KLHL29: variants seen among roughly 807,000 people sequenced by gnomAD.
KLHL29 encodes the protein kelch like family member 29.
In KLHL29, 21 loss-of-function variants were observed where a neutral mutation model predicts 80.4. The ratio of observed to expected loss-of-function variants is 0.26; its 90% confidence interval spans 0.19 to 0.38. The LOEUF (loss-of-function observed/expected upper bound fraction) is 0.38, where lower values mean the gene tolerates loss of function less well. Among genes scored for constraint, KLHL29 ranks in the 10% least tolerant of loss-of-function variants. The probability of loss-of-function intolerance (pLI) is 1.00; values close to 1 mark genes in which losing one functional copy is unlikely to be tolerated. For missense variants in KLHL29, 867 were observed against 1,223.9 expected, an observed-to-expected ratio of 0.71 and a Z score of 4.35; for synonymous variants, 511 against 526.8, an observed-to-expected ratio of 0.97 and a Z score of 0.41.
chr2:23,565,035 C>T lies in KLHL29; in HGVS notation c.285+2554C>T, dbSNP rs547905390. ...TGTAAAATGGGAAGAGGTCGTTGTACTTGCGAGCAGAGTTGTTGTGAGGAC... is the reference window on the plus strand; with the variant it reads ...TGTAAAATGGGAAGAGGTCGTTGTATTTGCGAGCAGAGTTGTTGTGAGGAC... On this transcript the variant is annotated intron_variant, in intron 3 of 13. Transcript: ENST00000486442. 2.0e-5 allele frequency among the ~76,000 whole-genome samples: 3 copies of T among 152,302 alleles called. No homozygotes were observed. The South Asian group carries it at 6.2e-4, about 32-fold the overall frequency.
At chr2:23,408,712 A>T (rs181682864) in intron 1 of KLHL29, among the ~76,000 whole-genome samples, 188 of 152,346 alleles carry the variant, frequency 1.2e-3, no homozygotes, top group South Asian at 2.3e-3. Flanking sequence ...TTGTACTAAA[A>T]GATTGTCTGT....
chr2:23,501,887 C>G (rs2103455139), intron 2 of KLHL29, among the ~76,000 whole-genome samples: 1 of 152,274 alleles, frequency 6.6e-6, no homozygotes, highest in African/African-American at 2.4e-5. Flanking sequence ...GTGCCCCTTC[C>G]CAGGCATCCC....
At chr2:23,438,663 A>G (rs1572513260) in intron 1 of KLHL29, among the ~76,000 whole-genome samples, 1 of 149,520 alleles carries the variant, frequency 6.7e-6, no homozygotes, top group African/African-American at 2.5e-5. Flanking sequence ...GATGAAGCCC[A>G]CTTGATCGTG....
chr2:23,398,958 T>G (rs1174470575), intron 1 of KLHL29, among the ~76,000 whole-genome samples: 1 of 152,214 alleles, frequency 6.6e-6, no homozygotes, highest in Non-Finnish European at 1.5e-5. Context: ...TCCCAGTTTT[T>G]CATCTGCACT....
chr2:23,443,255 C>T (rs1663582615), intron 1 of KLHL29, among the ~76,000 whole-genome samples: 1 of 152,194 alleles, frequency 6.6e-6, no homozygotes, highest in African/African-American at 2.4e-5. Context: ...CAAGTACCTT[C>T]ACCCCTAAGT....
intron 3 of KLHL29, among the ~76,000 whole-genome samples, chr2:23,621,562 G>T (rs1572445072): frequency 6.6e-6 from 1 of 151,922 alleles, no homozygotes; most frequent in South Asian, 2.1e-4. Flanking sequence ...GGAGGGGAGG[G>T]GGAGGAGGAG....
intron 11 of KLHL29, among the ~76,000 whole-genome samples, chr2:23,702,178 C>A (rs912429821): frequency 6.6e-6 from 1 of 152,028 alleles, no homozygotes; most frequent in African/African-American, 2.4e-5. Flanking sequence ...TATGGGAGCA[C>A]CTTGACTGAT....
At chr2:23,477,350 T>C (rs747522921) in intron 2 of KLHL29, among the ~76,000 whole-genome samples, 1 of 152,214 alleles carries the variant, frequency 6.6e-6, no homozygotes, top group Non-Finnish European at 1.5e-5. Context: ...GACATTGAGG[T>C]TGGGGATGGC....
chr2:23,487,328 G>A (rs565314191), intron 2 of KLHL29, among the ~76,000 whole-genome samples: 2 of 152,278 alleles, frequency 1.3e-5, no homozygotes, highest in South Asian at 2.1e-4. Flanking sequence ...AACCAAGGAC[G>A]CTGGAGAGAG....
intron 3 of KLHL29, among the ~76,000 whole-genome samples, chr2:23,634,756 C>A (rs1669564686): frequency 6.6e-6 from 1 of 152,218 alleles, no homozygotes; most frequent in Non-Finnish European, 1.5e-5. Context: ...ACCCGGCCCC[C>A]ATGACGTGGA....
intron 5 of KLHL29, among the ~76,000 whole-genome samples, chr2:23,655,707 A>G (rs1363934317): frequency 1.3e-5 from 2 of 152,222 alleles, no homozygotes; most frequent in Non-Finnish European, 2.9e-5. Flanking sequence ...GAATACAGCT[A>G]GACTGCCAGC....
intron 5 of KLHL29, among the ~76,000 whole-genome samples, chr2:23,652,850 T>C (rs1212292636): frequency 2.0e-5 from 3 of 152,224 alleles, no homozygotes; most frequent in African/African-American, 7.2e-5. Context: ...CCCCACCTCC[T>C]CCTTTTTATC....
intron 1 of KLHL29, among the ~76,000 whole-genome samples, chr2:23,400,934 A>C (rs1666585065): frequency 3.3e-5 from 5 of 152,198 alleles, no homozygotes; most frequent in Admixed American, 2.6e-4. Context: ...AGGCAAGTTA[A>C]TCTCTTGGAG....
chr2:23,593,014 T>G (rs1668307347), intron 3 of KLHL29, among the ~76,000 whole-genome samples: 1 of 152,176 alleles, frequency 6.6e-6, no homozygotes, highest in African/African-American at 2.4e-5. Flanking sequence ...GTGGTTTGTG[T>G]CCACCGTGGA....
Position 23,708,291 on chromosome 2 carries a change from G to A in KLHL29, c.*1627G>A, listed in dbSNP as rs1183374308. On this transcript the variant is annotated 3_prime_UTR_variant, in exon 14 of 14. Transcript: ENST00000486442. ...TAATAAGCACAAAACTACATACATT[G>A]TATGTCATTTAAAGTATTTATGTCA... is the stretch of plus-strand genomic sequence containing the variant. 1 of 152,156 alleles carries A rather than the reference G, an allele frequency of 6.6e-6. No individual in the cohort carries two copies. The highest frequency in any genetic ancestry group is 1.5e-5 in the Non-Finnish European group (1 of 68,034). 9.4% of individuals were successfully genotyped at this position (152,156 alleles called of 1,614,324 possible). A position where few individuals can be genotyped will look rare whatever the true frequency, so the allele number is the denominator to read the frequency against.
chr2:23,393,155 C>G (rs1329683688), intron 1 of KLHL29, among the ~76,000 whole-genome samples: 4 of 141,660 alleles, frequency 2.8e-5, no homozygotes, highest in African/African-American at 7.9e-5. Context: ...AGCCTGGTGC[C>G]TGGCACAAAA....
At chr2:23,628,046 G>A (rs1404957354) in intron 3 of KLHL29, among the ~76,000 whole-genome samples, 1 of 151,808 alleles carries the variant, frequency 6.6e-6, no homozygotes, top group Non-Finnish European at 1.5e-5. Context: ...CCGAGTAGCT[G>A]GGATTACAGG....
intron 4 of KLHL29, among the ~76,000 whole-genome samples, chr2:23,640,796 C>T (rs184199946): frequency 8.3e-4 from 126 of 152,340 alleles, no homozygotes; most frequent in African/African-American, 2.9e-3. Flanking sequence ...CCTACGGTCC[C>T]TCAGCTGGGA....
rs111668221 is a variant in KLHL29, at chr2:23,513,766, C to T, written c.-46+38099C>T. On this transcript the variant is annotated intron_variant, in intron 2 of 13. Transcript: ENST00000486442. The stretch of plus-strand genomic sequence containing the variant: ...AGGATGCGCTGGGTGCAGGACCCAC[C>T]GAGGAGGTGTGGACTCTGGCAAGAG... 4.6e-5 allele frequency among the ~76,000 whole-genome samples: 7 copies of T among 152,122 alleles called. 1 individual carries two copies. Among genetic ancestry groups the T allele is most frequent in the African/African-American group, 1.4e-4 (6 of 41,496 alleles).
Sources: allele counts gnomAD v4.1 joint callset (sites outside exome capture counted in the v4.1 genomes callset), GRCh38; gene constraint gnomAD v4.1.1; transcripts MANE v1.5; gene names NCBI Gene and HGNC (gene_info 2026-07-23, HGNC 2026-07-21).